Variants in CDH26 observed in about 807,000 individuals in gnomAD.
CDH26 encodes cadherin 26.
A neutral mutation model predicts 90.3 loss-of-function variants in CDH26; 83 were observed. That is an observed-to-expected ratio of 0.92 (90% CI 0.77 to 1.10). CDH26 has a LOEUF of 1.10. Ranked by LOEUF, CDH26 falls within the 50% of genes least tolerant of loss-of-function variation. CDH26 has a pLI of 0.00. For synonymous variants in CDH26, 397 were observed against 396.3 expected (o/e 1.00, Z -0.02); for missense variants, 1,013 against 1,037.6 (o/e 0.98, Z 0.33).
At chr20:59,966,382 A>C (rs2061149745) in intron 1 of CDH26, among the ~76,000 whole-genome samples, 1 of 152,202 alleles carries the variant, frequency 6.6e-6, no homozygotes, top group Non-Finnish European at 1.5e-5. Context: ...AGAGTGTTTA[A>C]AAGATGTACA....
At chr20:60,028,746 G>A (rs1464876749) in intron 7 of CDH26, among the ~76,000 whole-genome samples, 2 of 152,156 alleles carry the variant, frequency 1.3e-5, no homozygotes, top group African/African-American at 2.4e-5. Context: ...ATGTAAAATG[G>A]TACTGCTGCT....
intron 17 of CDH26, 43 bp from the exon 18 acceptor site, chr20:60,012,484 A>G (rs772428982): frequency 1.9e-6 from 3 of 1,574,032 alleles, no homozygotes; most frequent in East Asian, 4.5e-5. Context: ...CTGGGTATGG[A>G]AGCACATGGC....
At chr20:59,977,894 T>C (rs554010947) in intron 4 of CDH26, among the ~76,000 whole-genome samples, 1 of 152,286 alleles carries the variant, frequency 6.6e-6, no homozygotes, top group East Asian at 1.9e-4. Context: ...TTCACTGCTC[T>C]AAAACTCTCT....
chr20:60,031,513 G>A, intron 8 of CDH26: 1 of 1,035,048 alleles, frequency 9.7e-7, no homozygotes, highest in East Asian at 1.0e-4. Flanking sequence ...GTTAATCCTT[G>A]AGAATTAAAT....
At chr20:59,994,777 A>T (rs1396108579) in intron 11 of CDH26, among the ~76,000 whole-genome samples, 1 of 152,044 alleles carries the variant, frequency 6.6e-6, no homozygotes, top group African/African-American at 2.4e-5. Flanking sequence ...GTTTCCAGGG[A>T]AGCTCCAGGA....
chr20:60,025,664 G>C (rs1421516672), intron 7 of CDH26, among the ~76,000 whole-genome samples: 2 of 152,148 alleles, frequency 1.3e-5, no homozygotes, highest in Non-Finnish European at 2.9e-5. Context: ...GCCTGTAGAG[G>C]GTTTGAGCCC....
rs1387676566 is a variant in CDH26, at chr20:60,001,361, C to T, written c.2116C>T (p.Pro706Ser). 7.4e-6 allele frequency: 12 copies of T among 1,614,016 alleles called. No homozygotes were observed. The highest frequency in any genetic ancestry group is 2.2e-5 in the East Asian group (1 of 44,876). ...QGVKDLEEVPPSAASQSAQAR... is the reference protein window; with the variant it reads ...QGVKDLEEVPSSAASQSAQAR... ...CCTCTAGGATCTCGAGGAAGTGCCT[C>T]CATCTGCAGCGAGTCAGTCAGCCCA... The change falls in exon 15 of 18, where the codon CCA becomes TCA. Residue 706 changes from proline (P) to serine (S), a missense_variant. Coordinates refer to ENST00000348616, the MANE Select transcript of CDH26 (RefSeq NM_177980.4).
At chr20:59,969,810 T>A (rs1038899793) in intron 2 of CDH26, among the ~76,000 whole-genome samples, 7 of 152,224 alleles carry the variant, frequency 4.6e-5, no homozygotes, top group South Asian at 2.1e-4. Context: ...TAGCAGACAG[T>A]CATCTTTAAT....
At chr20:59,984,937 T>G in intron 6 of CDH26, 64 bp from the exon 7 acceptor site, 2 of 1,584,970 alleles carry the variant, frequency 1.3e-6, no homozygotes, top group Non-Finnish European at 1.7e-6. Flanking sequence ...AACAGAATAT[T>G]TCTTTATTAA....
chr20:59,967,943 CTTTCTTTCTTTCTATCTTTCTTTCTTT>C (rs1569024653), intron 1 of CDH26, among the ~76,000 whole-genome samples: 1 of 105,916 alleles, frequency 9.4e-6, no homozygotes, highest in African/African-American at 5.6e-5. Context: ...CCCTTTCTTT[CTTTCTTTCTTTCTATCTTTCTTTCTTT>C]CTTTCTTTCT....
At chr20:59,986,558 C>G (rs913220289) in intron 7 of CDH26, among the ~76,000 whole-genome samples, 2 of 151,472 alleles carry the variant, frequency 1.3e-5, no homozygotes, top group African/African-American at 4.9e-5. Context: ...CTCCTTTGTG[C>G]TTTCTTCTGC....
At chr20:59,982,415 C>T (rs888493753) in intron 4 of CDH26, among the ~76,000 whole-genome samples, 2 of 152,152 alleles carry the variant, frequency 1.3e-5, no homozygotes, top group South Asian at 2.1e-4. Flanking sequence ...GCATATTTGA[C>T]GTGGACTGAC....
intron 1 of CDH26, among the ~76,000 whole-genome samples, chr20:59,964,160 G>T (rs1029094517): frequency 1.5e-4 from 23 of 152,214 alleles, no homozygotes; most frequent in African/African-American, 5.5e-4. Context: ...CAAGCATTTT[G>T]GGAGAGAATG....
intron 16 of CDH26, 151 bp downstream of exon 16, chr20:60,003,017 C>A: frequency 2.0e-6 from 1 of 497,952 alleles, no homozygotes; most frequent in Non-Finnish European, 3.5e-6. Flanking sequence ...GAGAAGCGAA[C>A]GTGAAGAGAG....
rs1235882636 is a variant in CDH26, at chr20:60,013,577, G to C, written c.*847G>C. 6.6e-6 allele frequency: 1 copy of C among 152,194 alleles called. No homozygotes were observed. The highest frequency in any genetic ancestry group is 1.9e-4 in the East Asian group (1 of 5,204). 9.4% of individuals were successfully genotyped at this position (152,194 alleles called of 1,614,324 possible). ...TAGTCTGAGTAATAGATAAGAGACT[G>C]ACTAAGCAAAGTTTAAAATGCTATT... On this transcript the variant is annotated 3_prime_UTR_variant, in exon 18 of 18. Transcript: ENST00000348616.
intron 8 of CDH26, among the ~76,000 whole-genome samples, chr20:60,033,136 A>C (rs73311223): frequency 0.043 from 6,493 of 152,294 alleles, 337 homozygotes; most frequent in African/African-American, 0.13. Context: ...CACCAGCTCT[A>C]TTATTCACCT....
rs1470252247 is a variant in CDH26 at position 59,967,981 on chromosome 20, T to A, written c.70-986T>A. 7.2e-3 allele frequency among the ~76,000 whole-genome samples: 927 copies of A among 129,242 alleles called. 34 individuals carry two copies. Among genetic ancestry groups the A allele is most frequent in the African/African-American group, 0.028 (851 of 30,434 alleles). 84.8% of individuals were successfully genotyped at this position (129,242 alleles called of 152,430 possible). On this transcript the variant is annotated intron_variant, in intron 1 of 17. Transcript: ENST00000348616. ...TATCTTTCTTTCTTTCTTTCTTTCT[T>A]TCTTTCTTTCTTTCTTTCTTTCTTT...
intron 1 of CDH26, among the ~76,000 whole-genome samples, chr20:59,968,025 G>GTCTCTCTCTC (rs777837348): frequency 1.7e-5 from 1 of 57,228 alleles, no homozygotes; most frequent in African/African-American, 8.6e-5. Flanking sequence ...CTTTCTCTCT[G>GTCTCTCTCTC]TCTCTCTCTC....
chr20:59,979,322 C>G (rs1213810207), intron 4 of CDH26, among the ~76,000 whole-genome samples: 3 of 151,348 alleles, frequency 2.0e-5, no homozygotes, highest in Non-Finnish European at 4.4e-5. Context: ...CCTCAGTCTA[C>G]TGAGTACCTG....
Sources: allele counts gnomAD v4.1 joint callset (sites outside exome capture counted in the v4.1 genomes callset), GRCh38; gene constraint gnomAD v4.1.1; transcripts MANE v1.5; gene names NCBI Gene and HGNC (gene_info 2026-07-23, HGNC 2026-07-21).